Variants in CDRT4 observed in about 807,000 individuals in gnomAD.
CDRT4 encodes CMT1A duplicated region transcript 4 protein.
For missense variants in CDRT4, 167 were observed against 193.1 expected, an observed-to-expected ratio of 0.87 and a Z score of 0.80; for synonymous variants, 64 against 69.6, an observed-to-expected ratio of 0.92 and a Z score of 0.40.
In CDRT4 at chr17:15,460,378, T is replaced by G. The variant is rs1277527505; in HGVS notation, c.-130+7082A>C. Among the ~76,000 whole-genome samples, 12 of 146,668 alleles carry G rather than the reference T, an allele frequency of 8.2e-5. 1 individual carries two copies. Among genetic ancestry groups the G allele is most frequent in the Admixed American group, 8.1e-4 (12 of 14,898 alleles). ...ATCCTTCGTTCTCTTTATTCTACAATTATGACAACTACTACTGCTGCTAAT... is the reference window on the plus strand; with the variant it reads ...ATCCTTCGTTCTCTTTATTCTACAAGTATGACAACTACTACTGCTGCTAAT... On this transcript the variant is annotated intron_variant, in intron 1 of 3. Transcript: ENST00000619038.
intron 2 of CDRT4, among the ~76,000 whole-genome samples, chr17:15,448,757 C>T (rs934069964): frequency 4.6e-5 from 7 of 152,212 alleles, no homozygotes; most frequent in Non-Finnish European, 1.0e-4. Context: ...GGCTACACCA[C>T]CACCTCACCT....
chr17:15,462,007 G>A (rs187057376), intron 1 of CDRT4, among the ~76,000 whole-genome samples: 61 of 152,218 alleles, frequency 4.0e-4, no homozygotes, highest in Admixed American at 3.3e-3. Flanking sequence ...CAGCAGATTC[G>A]AGTCCCTTAA....
chr17:15,463,918 ACAAG>A (rs1169448711), intron 1 of CDRT4, among the ~76,000 whole-genome samples: 1 of 152,090 alleles, frequency 6.6e-6, no homozygotes. Context: ...GCTGAGACTA[ACAAG>A]CTGGGTGAAA....
At chr17:15,463,233 T>G (rs976221898) in intron 1 of CDRT4, among the ~76,000 whole-genome samples, 2 of 151,820 alleles carry the variant, frequency 1.3e-5, no homozygotes, top group Admixed American at 6.6e-5. Context: ...TTTTTATGAG[T>G]TGGGCTGAAA....
intron 2 of CDRT4, among the ~76,000 whole-genome samples, chr17:15,447,920 C>A (rs1298627086): frequency 6.6e-6 from 1 of 152,138 alleles, no homozygotes; most frequent in Non-Finnish European, 1.5e-5. Flanking sequence ...GCCCTACAAA[C>A]TCATATTCAG....
At position 15,457,059 on chromosome 17, in the gene CDRT4, TCTC is replaced by T. The variant is rs1319331992; in HGVS notation, c.-129-3977_-129-3975del. ...AGGGACGAGCCCTTCCAGTCCAACA[TCTC>T]AGCCCTCGCGCTACTTTGCCTCTGT... On this transcript the variant is annotated intron_variant, in intron 1 of 3. Transcript: ENST00000619038. 5.5e-4 allele frequency among the ~76,000 whole-genome samples: 84 copies of T among 152,212 alleles called. 1 individual carries two copies. The highest frequency in any genetic ancestry group is 3.7e-3 in the Admixed American group (57 of 15,294).
At position 15,464,814 on chromosome 17, in the gene CDRT4, T is replaced by G. The variant is rs1452986372; in HGVS notation, c.-130+2646A>C. On this transcript the variant is annotated intron_variant, in intron 1 of 3. Transcript: ENST00000619038. The surrounding 1 kb of genome is among the most constrained non-coding windows in gnomAD (Gnocchi z 4.5). ...TACCAGCGGTTGCTCTTTCACTCACTCCAGCCTGGCATCCACACTCGCAGC... is the reference window on the plus strand; with the variant it reads ...TACCAGCGGTTGCTCTTTCACTCACGCCAGCCTGGCATCCACACTCGCAGC... 1.3e-5 allele frequency among the ~76,000 whole-genome samples: 2 copies of G among 152,060 alleles called. No homozygotes were observed. The highest frequency in any genetic ancestry group is 2.9e-5 in the Non-Finnish European group (2 of 68,030).
At chr17:15,462,956 C>A (rs1262593795) in intron 1 of CDRT4, among the ~76,000 whole-genome samples, 1 of 152,002 alleles carries the variant, frequency 6.6e-6, no homozygotes, top group African/African-American at 2.4e-5. Context: ...TTGAGCACTT[C>A]ATATTTCAAA....
At chr17:15,442,424 A>AAAAG (rs954934913) in intron 2 of CDRT4, among the ~76,000 whole-genome samples, 23 of 152,078 alleles carry the variant, frequency 1.5e-4, no homozygotes, top group Non-Finnish European at 3.1e-4. Flanking sequence ...AAAAAAAAAA[A>AAAAG]AAAGAAAGAA....
chr17:15,437,712 G>T lies in CDRT4; in HGVS notation c.*61C>A. On this transcript the variant is annotated 3_prime_UTR_variant, in exon 4 of 4. Transcript: ENST00000619038. ...GGTAAATGGAGCTTAACTTTTGTAC[G>T]TTCTTGGGGAATGGCTGCAGGGACC... The T allele has an allele frequency of 6.5e-7, 1 of 1,530,742 alleles. No homozygotes were observed. Among genetic ancestry groups the T allele is most frequent in the Non-Finnish European group, 9.0e-7 (1 of 1,115,444 alleles). The allele number at this position is 1,530,742 out of a possible 1,614,324, so 94.8% of individuals were successfully genotyped here.
chr17:15,455,601 G>A (rs1346946528), intron 1 of CDRT4, among the ~76,000 whole-genome samples: 2 of 152,174 alleles, frequency 1.3e-5, no homozygotes, highest in African/African-American at 4.8e-5. Flanking sequence ...TCCATCTTGA[G>A]CACTCTCTTA....
intron 1 of CDRT4, among the ~76,000 whole-genome samples, chr17:15,459,601 C>G (rs901940771): frequency 6.6e-6 from 1 of 151,924 alleles, no homozygotes; most frequent in Non-Finnish European, 1.5e-5. Context: ...CCCGCCACCA[C>G]GCCTGGCTAA....
In CDRT4 at chr17:15,464,735, C is replaced by T. The variant is rs976500897; in HGVS notation, c.-130+2725G>A. Among the ~76,000 whole-genome samples the T allele has an allele frequency of 4.6e-5, 7 of 152,146 alleles. No individual in the cohort carries two copies. Among genetic ancestry groups the T allele is most frequent in the East Asian group, 1.9e-4 (1 of 5,194 alleles). On this transcript the variant is annotated intron_variant, in intron 1 of 3. Transcript: ENST00000619038. This position sits in a 1 kb window ranked among gnomAD's most constrained non-coding sequence, Gnocchi z 4.5. ...ATTCTTCCATTGACCCCCAAGCTTC[C>T]GTTACTTGTATTTTGCTCCTTTTCT... is the stretch of plus-strand genomic sequence containing the variant.
rs1979898195 is a variant in CDRT4 at position 15,464,388 on chromosome 17, G to T, written c.-130+3072C>A. The stretch of plus-strand genomic sequence containing the variant: ...TCAAAGGAGGAAATGATTAGCACGG[G>T]TCCATGAGCATTACATATCACCCTC... On this transcript the variant is annotated intron_variant, in intron 1 of 3. Coordinates refer to ENST00000619038, the MANE Select transcript of CDRT4 (RefSeq NM_001204477.2). This position sits in a 1 kb window ranked among gnomAD's most constrained non-coding sequence, Gnocchi z 4.5. 2.6e-5 allele frequency among the ~76,000 whole-genome samples: 4 copies of T among 152,138 alleles called. No homozygotes were observed. Among genetic ancestry groups the T allele is most frequent in the Admixed American group, 2.6e-4 (4 of 15,278 alleles).
chr17:15,448,458 C>T (rs1281220368), intron 2 of CDRT4, among the ~76,000 whole-genome samples: 1 of 152,178 alleles, frequency 6.6e-6, no homozygotes. Context: ...TTACTTCAGG[C>T]CTCACGTAAA....
chr17:15,448,900 C>T (rs1453961125), intron 2 of CDRT4, among the ~76,000 whole-genome samples: 1 of 152,212 alleles, frequency 6.6e-6, no homozygotes, highest in Non-Finnish European at 1.5e-5. Context: ...CCTGAATGAT[C>T]TGTGCAGACC....
chr17:15,459,440 T>A, intron 1 of CDRT4, among the ~76,000 whole-genome samples: 1 of 81,022 alleles, frequency 1.2e-5, no homozygotes, highest in East Asian at 7.0e-4. Flanking sequence ...TTTTTTTTTC[T>A]TTTTTTTTTT....
At chr17:15,438,250 G>A (rs1255837612) in intron 3 of CDRT4, 50 bp from the exon 4 acceptor site, 2 of 1,555,788 alleles carry the variant, frequency 1.3e-6, no homozygotes, top group East Asian at 4.5e-5. Context: ...ACATGCAATA[G>A]CTTGATTCTT....
At chr17:15,439,984 A>T (rs1369660367) in intron 3 of CDRT4, among the ~76,000 whole-genome samples, 1 of 152,094 alleles carries the variant, frequency 6.6e-6, no homozygotes, top group East Asian at 1.9e-4. Flanking sequence ...GATATACCTA[A>T]TGTAAATGAT....
Sources: allele counts gnomAD v4.1 joint callset (sites outside exome capture counted in the v4.1 genomes callset), GRCh38; gene constraint gnomAD v4.1.1; non-coding constraint Gnocchi (gnomAD v3.1); transcripts MANE v1.5; gene names NCBI Gene and HGNC (gene_info 2026-07-23, HGNC 2026-07-21).